The following NYAP2 variants were observed in gnomAD, a reference collection of about 807,000 sequenced individuals.
NYAP2 encodes neuronal tyrosine-phosphorylated phosphoinositide-3-kinase adaptor 2.
In NYAP2, 23 loss-of-function variants were observed where a neutral mutation model predicts 50.4. That is an observed-to-expected ratio of 0.46 (90% CI 0.33 to 0.65). The LOEUF (loss-of-function observed/expected upper bound fraction) is 0.65, where lower values mean the gene tolerates loss of function less well. NYAP2 is among the 30% of genes least tolerant of loss of function. The probability of loss-of-function intolerance (pLI) is 0.02; values close to 1 mark genes in which losing one functional copy is unlikely to be tolerated. For missense variants in NYAP2, 885 were observed against 861.0 expected (o/e 1.03, Z -0.35); for synonymous variants, 394 against 365.2 (o/e 1.08, Z -0.90).
intron 3 of NYAP2, among the ~76,000 whole-genome samples, chr2:225,473,223 G>C (rs982751523): frequency 6.6e-6 from 1 of 152,142 alleles, no homozygotes; most frequent in African/African-American, 2.4e-5. Flanking sequence ...GGACATTTGG[G>C]TTGGTTCCAA....
the NYAP2 span, among the ~76,000 whole-genome samples, chr2:225,682,059 T>C: frequency 6.6e-6 from 1 of 152,320 alleles, no homozygotes; most frequent in Middle Eastern, 3.4e-3. Flanking sequence ...TTGACACTTA[T>C]TGAAAGAGCC....
At chr2:225,536,470 G>A (rs1168139990) in intron 4 of NYAP2, among the ~76,000 whole-genome samples, 1 of 152,202 alleles carries the variant, frequency 6.6e-6, no homozygotes, top group Non-Finnish European at 1.5e-5. Context: ...ACACAGAAAA[G>A]AATGTGCTGA....
intron 4 of NYAP2, among the ~76,000 whole-genome samples, chr2:225,520,403 T>C (rs1039842565): frequency 7.9e-5 from 12 of 152,150 alleles, no homozygotes; most frequent in Admixed American, 3.3e-4. Flanking sequence ...TTTATGGTTT[T>C]AGGTCTAACA....
chr2:225,576,045 T>C (rs1260453224), intron 4 of NYAP2, among the ~76,000 whole-genome samples: 1 of 152,258 alleles, frequency 6.6e-6, no homozygotes, highest in Admixed American at 6.5e-5. Context: ...TAGTTCTGAT[T>C]AAAGTCCCTT....
At chr2:225,446,242 CTCTCTATATATATATA>C (rs1336470058) in intron 3 of NYAP2, among the ~76,000 whole-genome samples, 30 of 110,262 alleles carry the variant, frequency 2.7e-4, no homozygotes, top group African/African-American at 7.5e-4. Flanking sequence ...CTCTCTCTCT[CTCTCTATATATATATA>C]TATATATATA....
At chr2:225,589,545 A>ATATAT (rs1449938512) in intron 5 of NYAP2, among the ~76,000 whole-genome samples, 11 of 139,720 alleles carry the variant, frequency 7.9e-5, no homozygotes, top group Admixed American at 1.4e-4. Context: ...ATATATATTT[A>ATATAT]ATAGCTGGGT....
intron 3 of NYAP2, among the ~76,000 whole-genome samples, chr2:225,443,310 G>A (rs181391162): frequency 1.3e-5 from 2 of 152,244 alleles, no homozygotes; most frequent in Admixed American, 1.3e-4. Flanking sequence ...CCACAGTAAG[G>A]CATTAATGAG....
intron 3 of NYAP2, among the ~76,000 whole-genome samples, chr2:225,413,769 G>C (rs1695083677): frequency 6.6e-6 from 1 of 152,112 alleles, no homozygotes; most frequent in South Asian, 2.1e-4. Flanking sequence ...AATAAACATA[G>C]TCTAATTACT....
rs1363396209 is a variant in NYAP2 at position 225,517,923 on chromosome 2, GC to G, written c.523+4252del. Among the ~76,000 whole-genome samples the G allele has an allele frequency of 2.0e-5, 3 of 152,144 alleles. No individual in the cohort carries two copies. The East Asian group carries it at 5.8e-4, about 29-fold the overall frequency. On this transcript the variant is annotated intron_variant, in intron 4 of 6. Coordinates refer to ENST00000636099, the Ensembl canonical transcript of NYAP2. ...TAGCCATTAAGGAATAGTGAACAGA[GC>G]AAAAATTTAAAATAGAACTACCATG...
intron 5 of NYAP2, among the ~76,000 whole-genome samples, chr2:225,603,930 A>C (rs1443913001): frequency 6.6e-6 from 1 of 152,120 alleles, no homozygotes; most frequent in Non-Finnish European, 1.5e-5. Flanking sequence ...TCATTTTTTT[A>C]CTTTGATTTT....
intron 6 of NYAP2, among the ~76,000 whole-genome samples, chr2:225,644,732 G>C (rs1693597753): frequency 6.8e-6 from 1 of 147,002 alleles, no homozygotes; most frequent in African/African-American, 2.5e-5. Flanking sequence ...TCTCAGGTTT[G>C]TCAAAGATCA....
At chr2:225,671,242 T>C in the NYAP2 span, among the ~76,000 whole-genome samples, 2 of 152,114 alleles carry the variant, frequency 1.3e-5, no homozygotes, top group Admixed American at 1.3e-4. Context: ...TTCCCCACAG[T>C]AGAATTAAAG....
chr2:225,583,179 A>C, intron 5 of NYAP2, 144 bp downstream of exon 5: 1 of 1,057,758 alleles, frequency 9.5e-7, no homozygotes, highest in South Asian at 1.7e-5. Flanking sequence ...AAAATGTGTT[A>C]GTTCATTTTT....
At chr2:225,604,364 C>T (rs1271501047) in intron 5 of NYAP2, among the ~76,000 whole-genome samples, 1 of 152,114 alleles carries the variant, frequency 6.6e-6, no homozygotes, top group African/African-American at 2.4e-5. Flanking sequence ...ATTCTACATC[C>T]TTAAATCATG....
At chr2:225,648,746 C>A (rs1693680215) in intron 6 of NYAP2, among the ~76,000 whole-genome samples, 1 of 152,038 alleles carries the variant, frequency 6.6e-6, no homozygotes, top group Non-Finnish European at 1.5e-5. Flanking sequence ...TGGTTTGCAT[C>A]CTGAAGCAAT....
intron 4 of NYAP2, among the ~76,000 whole-genome samples, chr2:225,529,763 A>G (rs1691221066): frequency 6.6e-6 from 1 of 152,208 alleles, no homozygotes; most frequent in Admixed American, 6.5e-5. Flanking sequence ...GCTAGGGTGC[A>G]GTGGCACTAT....
chr2:225,428,230 C>G (rs1312933990), intron 3 of NYAP2, among the ~76,000 whole-genome samples: 1 of 152,102 alleles, frequency 6.6e-6, no homozygotes, highest in Non-Finnish European at 1.5e-5. Context: ...TCATTTTTGT[C>G]CCAGTCATAG....
intron 5 of NYAP2, among the ~76,000 whole-genome samples, chr2:225,623,262 G>A (rs539586630): frequency 2.4e-4 from 37 of 152,272 alleles, no homozygotes; most frequent in Non-Finnish European, 3.5e-4. Flanking sequence ...GGCTTTATGG[G>A]GGAAAAAATG....
chr2:225,699,709 A>G, the NYAP2 span: 1 of 151,862 alleles, frequency 6.6e-6, no homozygotes, highest in Admixed American at 6.6e-5. Flanking sequence ...CACCATGACC[A>G]AAGAATTATG....
Sources: gnomAD v4.1 joint callset for allele counts (sites outside exome capture counted in the v4.1 genomes callset) on GRCh38, gnomAD v4.1.1 for gene constraint, MANE v1.5 for transcripts, NCBI Gene and HGNC (gene_info 2026-07-23, HGNC 2026-07-21) for gene names.